The following NFIB variants were observed in gnomAD, a reference collection of about 807,000 sequenced individuals.
The protein encoded by NFIB is nuclear factor I B.
NFIB carries 11 observed loss-of-function variants against 61.5 expected under a neutral mutation model. That is an observed-to-expected ratio of 0.18 (90% CI 0.11 to 0.30). The LOEUF (loss-of-function observed/expected upper bound fraction) is 0.30. NFIB is among the 10% of genes least tolerant of loss of function. The probability of loss-of-function intolerance (pLI) is 1.00; values close to 1 mark genes in which losing one functional copy is unlikely to be tolerated. For synonymous variants in NFIB, 260 were observed against 216.5 expected (o/e 1.20, Z -1.76); for missense variants, 471 against 608.9 (o/e 0.77, Z 2.38).
At chr9:14,240,173 T>G (rs113573456) in intron 2 of NFIB, among the ~76,000 whole-genome samples, 1 of 152,240 alleles carries the variant, frequency 6.6e-6, no homozygotes, top group Non-Finnish European at 1.5e-5. Flanking sequence ...ACATTTTAAA[T>G]TTTCTTCAGC....
chr9:14,329,564 G>C (rs1051490668), intron 1 of NFIB, among the ~76,000 whole-genome samples: 5 of 151,854 alleles, frequency 3.3e-5, no homozygotes, highest in African/African-American at 4.8e-5. Context: ...ACCCAGGCTG[G>C]AGTGCAGTGG....
At chr9:14,106,845 C>A (rs1197856668) in intron 10 of NFIB, among the ~76,000 whole-genome samples, 1 of 152,052 alleles carries the variant, frequency 6.6e-6, no homozygotes, top group Non-Finnish European at 1.5e-5. Context: ...GCAAAATGTT[C>A]TATTTTGCTA....
chr9:14,431,639 T>G, the NFIB span, among the ~76,000 whole-genome samples: 145 of 152,048 alleles, frequency 9.5e-4, 1 homozygote, highest in African/African-American at 3.2e-3. Flanking sequence ...TTTTGTTTTT[T>G]TTTTTTTTTA....
chr9:14,441,825 C>A, the NFIB span, among the ~76,000 whole-genome samples: 2 of 152,134 alleles, frequency 1.3e-5, no homozygotes, highest in Non-Finnish European at 2.9e-5. Context: ...TAAATATATA[C>A]AATGCATTTA....
intron 1 of NFIB, among the ~76,000 whole-genome samples, chr9:14,378,460 G>A (rs551018459): frequency 8.5e-5 from 13 of 152,212 alleles, no homozygotes; most frequent in South Asian, 8.3e-4. Context: ...GGGTTCAAGC[G>A]ATTCTCCTGC....
the NFIB span, among the ~76,000 whole-genome samples, chr9:14,506,729 G>A: frequency 1.3e-5 from 2 of 152,118 alleles, no homozygotes; most frequent in African/African-American, 4.8e-5. Context: ...AGGTTTGGTT[G>A]AATATTTTAG....
At chr9:14,346,294 C>CCCA (rs1554715698) in intron 1 of NFIB, among the ~76,000 whole-genome samples, 1 of 137,826 alleles carries the variant, frequency 7.3e-6, no homozygotes, top group African/African-American at 2.6e-5. Flanking sequence ...ACCGACACCC[C>CCCA]CCCCCCGTAA....
intron 8 of NFIB, among the ~76,000 whole-genome samples, chr9:14,119,811 A>G (rs7860845): frequency 0.011 from 1,611 of 152,286 alleles, 32 homozygotes; most frequent in African/African-American, 0.037. Context: ...GGTAGAAGAA[A>G]CCATATGTCT....
chr9:14,095,281 T>C (rs570054073), intron 10 of NFIB, among the ~76,000 whole-genome samples: 2 of 152,278 alleles, frequency 1.3e-5, no homozygotes, highest in South Asian at 4.1e-4. Flanking sequence ...TGAAAAATTA[T>C]TATGAAGATG....
At chr9:14,459,054 G>A in the NFIB span, among the ~76,000 whole-genome samples, 1 of 152,028 alleles carries the variant, frequency 6.6e-6, no homozygotes, top group Non-Finnish European at 1.5e-5. Flanking sequence ...AGCCCGCATT[G>A]CCAAGTCAAT....
intron 7 of NFIB, among the ~76,000 whole-genome samples, chr9:14,122,637 G>A (rs1413142442): frequency 6.6e-6 from 1 of 152,164 alleles, no homozygotes; most frequent in Non-Finnish European, 1.5e-5. Flanking sequence ...CTTTTACTTA[G>A]TGTCTAAATG....
chr9:14,406,355 A>G, the NFIB span, among the ~76,000 whole-genome samples: 1 of 152,140 alleles, frequency 6.6e-6, no homozygotes, highest in Non-Finnish European at 1.5e-5. Context: ...ACCACTCTAG[A>G]AGGGATGTGT....
the NFIB span, among the ~76,000 whole-genome samples, chr9:14,452,496 G>GGAAAGGAAAGGAAAA: frequency 1.1e-3 from 142 of 134,036 alleles, 24 homozygotes; most frequent in African/African-American, 3.5e-3. Flanking sequence ...GGAAAGGAAA[G>GGAAAGGAAAGGAAAA]GAAAGGAAAG....
intron 10 of NFIB, among the ~76,000 whole-genome samples, chr9:14,100,116 A>G (rs1382282720): frequency 6.6e-6 from 1 of 152,198 alleles, no homozygotes; most frequent in Admixed American, 6.6e-5. Flanking sequence ...TACCTTTTAA[A>G]GAGCTTTTAG....
intron 2 of NFIB, among the ~76,000 whole-genome samples, chr9:14,190,579 C>A (rs2131549619): frequency 6.6e-6 from 1 of 152,178 alleles, no homozygotes; most frequent in East Asian, 1.9e-4. Flanking sequence ...AATAAAACTA[C>A]TTGAATAATG....
At chr9:14,225,438 C>A (rs1445066315) in intron 2 of NFIB, among the ~76,000 whole-genome samples, 1 of 104,644 alleles carries the variant, frequency 9.6e-6, no homozygotes, top group Admixed American at 1.4e-4. Flanking sequence ...GCCTGGGCGA[C>A]AGAGCGAGAC....
chr9:14,113,640 A>G (rs2037708072), intron 9 of NFIB, among the ~76,000 whole-genome samples: 1 of 152,212 alleles, frequency 6.6e-6, no homozygotes, highest in African/African-American at 2.4e-5. Context: ...TGTAGAATGA[A>G]TCAGCTCGGT....
At chr9:14,427,934 G>GTTTTTTTTTTT in the NFIB span, among the ~76,000 whole-genome samples, 38 of 25,970 alleles carry the variant, frequency 1.5e-3, no homozygotes, top group South Asian at 2.6e-3. Context: ...CTTTAATTCA[G>GTTTTTTTTTTT]TTGTTTTTTT....
chr9:14,131,435 G>C (rs1325614406), intron 6 of NFIB, among the ~76,000 whole-genome samples: 4 of 152,180 alleles, frequency 2.6e-5, no homozygotes. Flanking sequence ...ACTTCAAAGA[G>C]ATAAGGACTT....
Sources: gnomAD v4.1 joint callset for allele counts (sites outside exome capture counted in the v4.1 genomes callset) on GRCh38, gnomAD v4.1.1 for gene constraint, MANE v1.5 for transcripts, NCBI Gene and HGNC (gene_info 2026-07-23, HGNC 2026-07-21) for gene names.